The following PHF6 variants were observed in gnomAD, a reference collection of about 807,000 sequenced individuals.
PHF6 encodes PHD-like zinc finger protein.
A neutral mutation model predicts 34.0 loss-of-function variants in PHF6; 7 were observed. The observed-to-expected ratio is 0.21, with a 90% CI of 0.12 to 0.39. PHF6 has a LOEUF of 0.39. Among genes scored for constraint, PHF6 ranks in the 10% least tolerant of loss-of-function variants. The pLI is 1.00. For synonymous variants in PHF6, 89 were observed against 88.4 expected (o/e 1.01, Z -0.04); for missense variants, 128 against 262.8 (o/e 0.49, Z 3.55).
intron 5 of PHF6, among the ~76,000 whole-genome samples, chrX:134,412,136 G>A (rs780215622): frequency 5.4e-4 from 61 of 112,293 alleles, no homozygotes; most frequent in African/African-American, 1.6e-3. Flanking sequence ...GTTTGCTATC[G>A]TGTTAAGGAG....
At chrX:134,412,430 A>G (rs187332781) in intron 5 of PHF6, among the ~76,000 whole-genome samples, 18 of 111,612 alleles carry the variant, frequency 1.6e-4, no homozygotes, top group African/African-American at 5.9e-4. Flanking sequence ...ACAACCTTCA[A>G]AGTAGTAGGA....
intron 3 of PHF6, among the ~76,000 whole-genome samples, chrX:134,387,167 T>C (rs988851362): frequency 9.0e-5 from 10 of 111,659 alleles, no homozygotes; most frequent in African/African-American, 3.2e-4. Flanking sequence ...AACTTTACTT[T>C]TGAGGTGATA....
At position 134,392,270 on chromosome X, in the gene PHF6, T is replaced by C. The variant is rs141645425; in HGVS notation, c.241-1231T>C. ...AATAAAAAGAGGGATGAGAACACTT[T>C]AGAACAAGGTGTCCAGCAACCAAGA... On this transcript the variant is annotated intron_variant, in intron 3 of 10. Coordinates refer to ENST00000370803, the MANE Select transcript of PHF6 (RefSeq NM_001015877.2). Among the ~76,000 whole-genome samples the C allele has an allele frequency of 9.8e-5, 11 of 112,279 alleles. No individual in the cohort carries two copies. The East Asian group carries it at 3.1e-3, about 31-fold the overall frequency.
intron 3 of PHF6, among the ~76,000 whole-genome samples, chrX:134,383,479 T>C (rs1362163800): frequency 9.0e-6 from 1 of 111,131 alleles, no homozygotes; most frequent in Non-Finnish European, 1.9e-5. Context: ...ACTTGATGAC[T>C]GTCCTCAGGT....
chrX:134,387,972 A>T (rs1013169850), intron 3 of PHF6, among the ~76,000 whole-genome samples: 2 of 111,354 alleles, frequency 1.8e-5, no homozygotes, highest in Non-Finnish European at 3.8e-5. Flanking sequence ...TTCTTATGAG[A>T]CCTCCTTCAA....
intron 3 of PHF6, among the ~76,000 whole-genome samples, chrX:134,379,427 CTTTTCTTTTTTTT>C (rs1354441465): frequency 0.016 from 844 of 51,613 alleles, 8 homozygotes; most frequent in African/African-American, 0.058. Context: ...CTTTTCTTTT[CTTTTCTTTTTTTT>C]TTTTTTTTTT....
In PHF6 at chrX:134,411,081, T is replaced by C. The variant is rs187806578; in HGVS notation, c.419-2410T>C. On this transcript the variant is annotated intron_variant, in intron 5 of 10. Coordinates refer to ENST00000370803, the MANE Select transcript of PHF6 (RefSeq NM_001015877.2). ...CATTCTCCTGCCTCAGCCTCCCGAG[T>C]AGCTGGGATTACAGGCATGCACCAC... Among the ~76,000 whole-genome samples the C allele has an allele frequency of 6.3e-3, 682 of 109,120 alleles. 5 individuals carry two copies. Among genetic ancestry groups the C allele is most frequent in the African/African-American group, 0.022 (650 of 29,856 alleles). 94.8% of individuals were successfully genotyped at this position (109,120 alleles called of 115,157 possible). A position where few individuals can be genotyped will look rare whatever the true frequency, so the allele number is the denominator to read the frequency against.
chrX:134,400,390 CTTTTTTTT>C (rs59456723), intron 5 of PHF6, among the ~76,000 whole-genome samples: 1 of 79,868 alleles, frequency 1.3e-5, no homozygotes, highest in Non-Finnish European at 2.4e-5. Context: ...CAGCCTTTGC[CTTTTTTTT>C]TTTTTTTTTT....
chrX:134,427,140 C>T lies in PHF6; in HGVS notation c.*1480C>T, dbSNP rs1251159555. ...ACACATTTACTTAAATCAAGGGACTCAATGCTTGCTTTTATTTTAACCATC... is the reference window on the plus strand; with the variant it reads ...ACACATTTACTTAAATCAAGGGACTTAATGCTTGCTTTTATTTTAACCATC... On this transcript the variant is annotated 3_prime_UTR_variant, in exon 11 of 11. Transcript: ENST00000370803. 4.9e-5 allele frequency: 8 copies of T among 163,373 alleles called. No homozygotes were observed. The Admixed American group carries it at 6.6e-4, about 13-fold the overall frequency. The allele number at this position is 163,373 out of a possible 1,213,427, so 13.5% of individuals were successfully genotyped here.
chrX:134,390,426 A>T (rs940357314), intron 3 of PHF6, among the ~76,000 whole-genome samples: 11 of 112,332 alleles, frequency 9.8e-5, no homozygotes, highest in Non-Finnish European at 1.7e-4. Context: ...AGCTTTAAAA[A>T]AATTATCTGT....
intron 8 of PHF6, among the ~76,000 whole-genome samples, chrX:134,415,962 A>G (rs761772593): frequency 9.2e-6 from 1 of 108,995 alleles, no homozygotes; most frequent in African/African-American, 3.3e-5. Flanking sequence ...TTTATTTTTT[A>G]TTTTTTTATT....
rs1394266786 is a variant in PHF6 at position 134,398,296 on chromosome X, A to G, written c.418+4344A>G. ...TCCCAGCTACTCGGGAGGCTGAGGC[A>G]GGAGGATTACTTGAGCCCAGAATTT... On this transcript the variant is annotated intron_variant, in intron 5 of 10. Coordinates refer to ENST00000370803, the MANE Select transcript of PHF6 (RefSeq NM_001015877.2). Among the ~76,000 whole-genome samples the G allele has an allele frequency of 2.7e-5, 3 of 111,761 alleles. No homozygotes were observed. The East Asian group carries it at 8.4e-4, about 31-fold the overall frequency.
chrX:134,390,958 CTTTTTTTCTTT>C (rs1276085886), intron 3 of PHF6, among the ~76,000 whole-genome samples: 42 of 94,043 alleles, frequency 4.5e-4, no homozygotes, highest in South Asian at 1.1e-3. Flanking sequence ...TTTTCTTTTT[CTTTTTTTCTTT>C]TTTTTTTCTT....
intron 3 of PHF6, among the ~76,000 whole-genome samples, chrX:134,388,064 G>A (rs1490947463): frequency 9.0e-6 from 1 of 111,706 alleles, no homozygotes; most frequent in African/African-American, 3.3e-5. Flanking sequence ...CCATGAAGTG[G>A]CACTTTTTAA....
intron 1 of PHF6, among the ~76,000 whole-genome samples, chrX:134,376,488 A>G (rs993948014): frequency 8.9e-6 from 1 of 112,019 alleles, no homozygotes; most frequent in Non-Finnish European, 1.9e-5. Context: ...TGAAGAATCC[A>G]TATTAAGATT....
intron 5 of PHF6, among the ~76,000 whole-genome samples, chrX:134,407,886 G>A (rs1453961554): frequency 9.0e-6 from 1 of 111,411 alleles, no homozygotes; most frequent in East Asian, 2.8e-4. Context: ...GAGCCAACCA[G>A]GAGCACAGAG....
intron 3 of PHF6, among the ~76,000 whole-genome samples, chrX:134,385,341 A>G (rs945412818): frequency 8.9e-6 from 1 of 111,779 alleles, no homozygotes; most frequent in African/African-American, 3.3e-5. Context: ...ATAGCATAAC[A>G]CAATATGCGT....
chrX:134,378,966 T>A (rs1473906750), intron 3 of PHF6, among the ~76,000 whole-genome samples: 1 of 112,256 alleles, frequency 8.9e-6, no homozygotes, highest in Non-Finnish European at 1.9e-5. Context: ...TTGAACACTT[T>A]ATTAAAATTA....
At chrX:134,421,189 A>G (rs1352994897) in intron 9 of PHF6, among the ~76,000 whole-genome samples, 1 of 111,515 alleles carries the variant, frequency 9.0e-6, no homozygotes, top group East Asian at 2.8e-4. Flanking sequence ...TGTGGTAGGC[A>G]ATTTTTCAGT....
Sources: gnomAD v4.1 joint callset for allele counts (sites outside exome capture counted in the v4.1 genomes callset) on GRCh38, gnomAD v4.1.1 for gene constraint, MANE v1.5 for transcripts, NCBI Gene and HGNC (gene_info 2026-07-23, HGNC 2026-07-21) for gene names.